The following RPL22 variants were observed in gnomAD, a reference collection of about 807,000 sequenced individuals.
RPL22 encodes the protein large ribosomal subunit protein eL22.
A neutral mutation model predicts 16.2 loss-of-function variants in RPL22; 4 were observed. That is an observed-to-expected ratio of 0.25 (90% confidence interval 0.12 to 0.57). The LOEUF is 0.57. RPL22 is among the 20% of genes least tolerant of loss of function. The pLI is 0.92. For synonymous variants in RPL22, 43 were observed against 54.8 expected (o/e 0.78, Z 0.95); for missense variants, 83 against 156.1 (o/e 0.53, Z 2.49).
chr1:6,186,964 C>T, intron 3 of RPL22, 148 bp from the exon 4 acceptor site: 1 of 1,116,240 alleles, frequency 9.0e-7, no homozygotes, highest in Non-Finnish European at 1.3e-6. Context: ...GGCAAATACA[C>T]CCAGCCAAGG....
At chr1:6,196,805 A>G (rs1667723706) in intron 2 of RPL22, among the ~76,000 whole-genome samples, 1 of 152,140 alleles carries the variant, frequency 6.6e-6, no homozygotes, top group Non-Finnish European at 1.5e-5. Context: ...AGCTCCAATT[A>G]CAATTCAGCA....
rs1667671694 is a variant in RPL22 at position 6,193,021 on chromosome 1, C to T, written c.151G>A (p.Gly51Arg). The stretch of plus-strand genomic sequence containing the variant: ...CCTCCACCAAGGTTCCCAGCTTTTC[C>T]GTTCACTTTGATCCTTTCTTGCAAA... ...QFLQERIKVN[G>R]KAGNLGGGVV... is the part of the protein sequence containing the mutation. The change falls in exon 3 of 4, where the codon GGA becomes AGA. Residue 51 changes from glycine to arginine, a missense_variant. Physicochemically the swap from Gly to Arg is moderately radical, Grantham distance 125. Transcript: ENST00000234875. The T allele has an allele frequency of 6.2e-7, 1 of 1,614,120 alleles. No homozygotes were observed. The highest frequency in any genetic ancestry group is 8.5e-7 in the Non-Finnish European group (1 of 1,179,992).
chr1:6,194,609 G>A (rs1667692406), intron 2 of RPL22, among the ~76,000 whole-genome samples: 1 of 152,170 alleles, frequency 6.6e-6, no homozygotes, highest in African/African-American at 2.4e-5. Context: ...TTAACTGGCT[G>A]GGTGCAGTAG....
Position 6,185,510 on chromosome 1 carries a change from T to G in RPL22, c.*1162A>C, listed in dbSNP as rs1388816227. 1 of 396,994 alleles carries G rather than the reference T, an allele frequency of 2.5e-6. No homozygotes were observed. Among genetic ancestry groups the G allele is most frequent in the Non-Finnish European group, 4.4e-6 (1 of 225,322 alleles). The allele number at this position is 396,994 out of a possible 1,614,324, so 24.6% of individuals were successfully genotyped here. A position where few individuals can be genotyped will look rare whatever the true frequency, so the allele number is the denominator to read the frequency against. On this transcript the variant is annotated 3_prime_UTR_variant, in exon 4 of 4. Coordinates refer to ENST00000234875, the MANE Select transcript of RPL22 (RefSeq NM_000983.4). ...ACCAAATGTTTAATGGGAGCCAAGGTAGGACTGAGCATTGAACTTCCAGCT... is the reference window on the plus strand; with the variant it reads ...ACCAAATGTTTAATGGGAGCCAAGGGAGGACTGAGCATTGAACTTCCAGCT...
At chr1:6,196,989 G>A (rs1175884046) in intron 2 of RPL22, among the ~76,000 whole-genome samples, 3 of 152,200 alleles carry the variant, frequency 2.0e-5, no homozygotes, top group African/African-American at 7.2e-5. Context: ...CAGCAAGGGG[G>A]ATGCCATGGA....
At chr1:6,187,113 G>A (rs1326343076) in intron 3 of RPL22, among the ~76,000 whole-genome samples, 1 of 151,966 alleles carries the variant, frequency 6.6e-6, no homozygotes, top group Non-Finnish European at 1.5e-5. Flanking sequence ...TTCGAGACCA[G>A]CCTGAACAAC....
Position 6,197,754 on chromosome 1 carries a change from T to C in RPL22, c.15A>G (p.Lys5=). 6.2e-7 allele frequency: 1 copy of C among 1,608,348 alleles called. No homozygotes were observed. The highest frequency in any genetic ancestry group is 8.5e-7 in the Non-Finnish European group (1 of 1,175,130). The part of the protein sequence containing the change: MAPV[K]KLVVKGGKKK... ...TTTTGCCCCCCTTCACCACAAGCTTTTTCTAAGAAAATACACAAATGATAA... is the reference window on the plus strand; with the variant it reads ...TTTTGCCCCCCTTCACCACAAGCTTCTTCTAAGAAAATACACAAATGATAA... The change falls in exon 2 of 4, where the codon AAA becomes AAG. Residue 5 remains lysine (K), a splice_region_variant and synonymous_variant. Coordinates refer to ENST00000234875, the MANE Select transcript of RPL22 (RefSeq NM_000983.4).
chr1:6,194,608 T>C (rs1281749698), intron 2 of RPL22, among the ~76,000 whole-genome samples: 1 of 152,206 alleles, frequency 6.6e-6, no homozygotes, highest in Non-Finnish European at 1.5e-5. Flanking sequence ...GTTAACTGGC[T>C]GGGTGCAGTA....
intron 3 of RPL22, among the ~76,000 whole-genome samples, chr1:6,190,862 C>G: frequency 6.6e-6 from 1 of 152,200 alleles, no homozygotes; most frequent in South Asian, 2.1e-4. Flanking sequence ...TCTGTCTAAA[C>G]TGAGGTCTTC....
At chr1:6,199,312 C>CG (rs1368912515) in intron 1 of RPL22, 3 of 1,066,168 alleles carry the variant, frequency 2.8e-6, no homozygotes, top group Non-Finnish European at 3.7e-6. Context: ...TCCAGCTCCC[C>CG]GCTAGCCCCT....
chr1:6,199,068 C>G (rs1294278600), intron 1 of RPL22: 1 of 162,594 alleles, frequency 6.2e-6, no homozygotes, highest in African/African-American at 2.4e-5. Flanking sequence ...CCCTGATAAA[C>G]TAATTTCCTC....
At chr1:6,195,877 A>G (rs971967750) in intron 2 of RPL22, among the ~76,000 whole-genome samples, 2 of 152,068 alleles carry the variant, frequency 1.3e-5, no homozygotes, top group African/African-American at 2.4e-5. Flanking sequence ...AGCCTGACCA[A>G]CATGGAGGAA....
chr1:6,197,746 A>G lies in RPL22; in HGVS notation c.23T>C (p.Val8Ala). The change falls in exon 2 of 4, where the codon GTG becomes GCG. Residue 8 changes from valine (V) to alanine (A), a missense_variant. Transcript: ENST00000234875. Reference sequence around the variant, plus strand: ...CTTCTTTTTTTTGCCCCCCTTCACCACAAGCTTTTTCTAAGAAAATACACA... The same window carrying G: ...CTTCTTTTTTTTGCCCCCCTTCACCGCAAGCTTTTTCTAAGAAAATACACA... MAPVKKL[V>A]VKGGKKKKQV... The G allele has an allele frequency of 6.2e-7, 1 of 1,611,936 alleles. No homozygotes were observed. Among genetic ancestry groups the G allele is most frequent in the African/African-American group, 1.3e-5 (1 of 75,028 alleles).
intron 1 of RPL22, 119 bp from the exon 2 acceptor site, chr1:6,197,875 T>G (rs1307035158): frequency 2.6e-6 from 2 of 775,010 alleles, no homozygotes; most frequent in East Asian, 5.3e-5. Context: ...CTAACGGAAG[T>G]GTGCTCCCTT....
intron 1 of RPL22, chr1:6,198,954 G>C (rs998641500): frequency 6.6e-6 from 1 of 152,298 alleles, no homozygotes; most frequent in Non-Finnish European, 1.5e-5. Flanking sequence ...AAATAACCTA[G>C]GAGGAGGGCG....
intron 3 of RPL22, among the ~76,000 whole-genome samples, chr1:6,187,501 C>T (rs1443285383): frequency 6.6e-6 from 1 of 150,860 alleles, no homozygotes; most frequent in Non-Finnish European, 1.5e-5. Flanking sequence ...GTAGTCCCAG[C>T]TAGTCAGGAG....
chr1:6,186,680 C>T lies in RPL22; in HGVS notation c.379G>A (p.Glu127Lys). 6.5e-7 allele frequency: 1 copy of T among 1,542,522 alleles called. No homozygotes were observed. The highest frequency in any genetic ancestry group is 8.8e-7 in the Non-Finnish European group (1 of 1,139,590). Residue 127 changes from glutamate (E) to lysine (K), a missense_variant, in exon 4 of 4, where the codon GAG becomes AAG. Transcript: ENST00000234875. ...INQDEEEEEDED is the reference protein window; with the variant it reads ...INQDEEEEEDKD ...TTCCAGATAAATGAAATTTAATCCT[C>T]GTCTTCCTCCTCTTCTTCGTCCTGG...
Position 6,195,044 on chromosome 1 carries a change from G to A in RPL22, c.118-1990C>T, listed in dbSNP as rs543065321. Among the ~76,000 whole-genome samples the A allele has an allele frequency of 1.2e-3, 189 of 152,136 alleles. 2 individuals carry two copies. In the Middle Eastern group the frequency reaches 0.014, roughly 11 times the overall value. ...CCCAGCTACTTGGGAGGCTGAGGCA[G>A]GAGAATGGCATGAACACGGTAGGCG... On this transcript the variant is annotated intron_variant, in intron 2 of 3. Coordinates refer to ENST00000234875, the MANE Select transcript of RPL22 (RefSeq NM_000983.4).
chr1:6,193,179 C>A, intron 2 of RPL22, 125 bp from the exon 3 acceptor site: 1 of 1,151,922 alleles, frequency 8.7e-7, no homozygotes, highest in East Asian at 2.4e-5. Context: ...AGAGTCTCAC[C>A]AGCGCAATCA....
Sources: allele counts gnomAD v4.1 joint callset (sites outside exome capture counted in the v4.1 genomes callset), GRCh38; gene constraint gnomAD v4.1.1; transcripts MANE v1.5; gene names NCBI Gene and HGNC (gene_info 2026-07-23, HGNC 2026-07-21).